Variants in PCDHGB7 observed in about 807,000 individuals in gnomAD.
PCDHGB7 encodes the protein protocadherin gamma subfamily B, 7.
In PCDHGB7, 37 loss-of-function variants were observed where a neutral mutation model predicts 61.4. The ratio of observed to expected loss-of-function variants is 0.60; its 90% CI spans 0.46 to 0.79. The LOEUF (loss-of-function observed/expected upper bound fraction) is 0.79. Ranked by LOEUF, PCDHGB7 falls within the 30% of genes least tolerant of loss-of-function variation. The pLI is 0.00. For missense variants in PCDHGB7, 1,166 were observed against 1,202.5 expected (o/e 0.97, Z 0.45); for synonymous variants, 464 against 503.5 (o/e 0.92, Z 1.05).
rs767337670 is a variant in PCDHGB7 at position 141,433,083 on chromosome 5, A to G, written c.2415+12809A>G. 8.1e-6 allele frequency: 13 copies of G among 1,614,174 alleles called. 1 individual carries two copies. Among genetic ancestry groups the G allele is most frequent in the Non-Finnish European group, 9.3e-6 (11 of 1,180,024 alleles). ...CACCTGATCTTCCCCCAGCCCAACT[A>G]TGCAGACATGCTCGTCAGCCAGGAG... On this transcript the variant is annotated intron_variant, in intron 1 of 3. Coordinates refer to ENST00000398594, the MANE Select transcript of PCDHGB7 (RefSeq NM_018927.4).
chr5:141,450,669 T>C (rs2098689726), intron 1 of PCDHGB7, among the ~76,000 whole-genome samples: 1 of 151,904 alleles, frequency 6.6e-6, no homozygotes, highest in Admixed American at 6.6e-5. Context: ...GTACTTTTAG[T>C]AGAAACGGGG....
At position 141,485,149 on chromosome 5, in the gene PCDHGB7, A is replaced by G; in HGVS notation, c.2416-9658A>G. 6.3e-7 allele frequency: 1 copy of G among 1,578,106 alleles called. No individual in the cohort carries two copies. Among genetic ancestry groups the G allele is most frequent in the South Asian group, 1.1e-5 (1 of 89,070 alleles). ...CGGCTTCATCCGCGTCTCAGGAGCA[A>G]GTAGAGAATTAGCGGGCGGCAGCAA... On this transcript the variant is annotated intron_variant, in intron 1 of 3. Transcript: ENST00000398594. This position sits in a 1 kb window ranked among gnomAD's most constrained non-coding sequence, Gnocchi z 5.7.
At chr5:141,420,453 C>A (rs1026053173) in intron 1 of PCDHGB7, 179 bp downstream of exon 1, 76 of 977,580 alleles carry the variant, frequency 7.8e-5, no homozygotes, top group Non-Finnish European at 8.8e-5. Context: ...AGTCTTCCTA[C>A]TATTCAAAGA....
In PCDHGB7 at chr5:141,431,211, G is replaced by A. The variant is rs1054638121; in HGVS notation, c.2415+10937G>A. The A allele has an allele frequency of 6.2e-7, 1 of 1,614,004 alleles. No individual in the cohort carries two copies. The highest frequency in any genetic ancestry group is 1.7e-5 in the Admixed American group (1 of 60,006). ...AGTGAAAATGCAGCCACTGAGATGC[G>A]GTTCCCTCTACCCCACGCCTGGGAT... On this transcript the variant is annotated intron_variant, in intron 1 of 3. Coordinates refer to ENST00000398594, the MANE Select transcript of PCDHGB7 (RefSeq NM_018927.4). This position sits in a 1 kb window ranked among gnomAD's most constrained non-coding sequence, Gnocchi z 4.8.
In PCDHGB7 at chr5:141,477,524, A is replaced by G. The variant is rs1302186932; in HGVS notation, c.2416-17283A>G. The stretch of plus-strand genomic sequence containing the variant: ...CTACGACGTTTACATTGAAGAAAAC[A>G]ACCTCCCCGGGGCTCCAATACTAAA... On this transcript the variant is annotated intron_variant, in intron 1 of 3. Coordinates refer to ENST00000398594, the MANE Select transcript of PCDHGB7 (RefSeq NM_018927.4). The surrounding 1 kb of genome is among the most constrained non-coding windows in gnomAD (Gnocchi z 4.9). The G allele has an allele frequency of 1.2e-6, 2 of 1,614,122 alleles. No individual in the cohort carries two copies. Among genetic ancestry groups the G allele is most frequent in the Non-Finnish European group, 1.7e-6 (2 of 1,180,022 alleles).
Position 141,485,955 on chromosome 5 carries a change from T to C in PCDHGB7, c.2416-8852T>C. 1 of 1,614,152 alleles carries C rather than the reference T, an allele frequency of 6.2e-7. No homozygotes were observed. Among genetic ancestry groups the C allele is most frequent in the Non-Finnish European group, 8.5e-7 (1 of 1,180,018 alleles). On this transcript the variant is annotated intron_variant, in intron 1 of 3. Transcript: ENST00000398594. This position sits in a 1 kb window ranked among gnomAD's most constrained non-coding sequence, Gnocchi z 5.7. ...GAGAGCGCACCAGCGGGCATGGTGC[T>C]CATCCAGCTCAATGCCTCAGACCCG...
intron 1 of PCDHGB7, among the ~76,000 whole-genome samples, chr5:141,471,692 C>A (rs1293253544): frequency 6.6e-6 from 1 of 152,118 alleles, no homozygotes; most frequent in African/African-American, 2.4e-5. Context: ...TTCTGAAATT[C>A]TGGCTGGAAT....
chr5:141,426,173 G>A (rs2096919271), intron 1 of PCDHGB7: 1 of 155,348 alleles, frequency 6.4e-6, no homozygotes, highest in African/African-American at 2.4e-5. Flanking sequence ...TACGGATTGG[G>A]GTGCCCTCAA....
intron 1 of PCDHGB7, chr5:141,430,896 G>A: frequency 6.2e-7 from 1 of 1,606,012 alleles, no homozygotes; most frequent in Admixed American, 1.7e-5. Context: ...TCTAGGGTGG[G>A]CGACATCTCC....
chr5:141,422,699 C>G (rs765368737), intron 1 of PCDHGB7: 2 of 1,603,420 alleles, frequency 1.2e-6, no homozygotes, highest in South Asian at 1.1e-5. Context: ...GTCACTTACT[C>G]TCTGACGGAT....
At chr5:141,473,735 A>G (rs529416084) in intron 1 of PCDHGB7, among the ~76,000 whole-genome samples, 75 of 152,352 alleles carry the variant, frequency 4.9e-4, no homozygotes, top group African/African-American at 1.6e-3. Context: ...GAGAGGGAGA[A>G]GACATGAGAA....
intron 1 of PCDHGB7, among the ~76,000 whole-genome samples, chr5:141,459,221 G>A (rs1028895845): frequency 9.2e-5 from 14 of 152,154 alleles, no homozygotes; most frequent in African/African-American, 3.1e-4. Flanking sequence ...TCCAGCTCCA[G>A]GCAACAACTG....
At chr5:141,480,295 G>A (rs1190133739) in intron 1 of PCDHGB7, among the ~76,000 whole-genome samples, 2 of 133,330 alleles carry the variant, frequency 1.5e-5, no homozygotes, top group Admixed American at 7.4e-5. Context: ...TGCACCTGTG[G>A]TACCAGCTAC....
Position 141,486,255 on chromosome 5 carries a change from A to G in PCDHGB7, c.2416-8552A>G. 1 of 1,614,028 alleles carries G rather than the reference A, an allele frequency of 6.2e-7. No homozygotes were observed. Reference sequence around the variant, plus strand: ...ACCTCAGAGCTTGGAACCCTCCCCGAGAGTGCAGAACCTGGCACTGTGGTG... The same window carrying G: ...ACCTCAGAGCTTGGAACCCTCCCCGGGAGTGCAGAACCTGGCACTGTGGTG... On this transcript the variant is annotated intron_variant, in intron 1 of 3. Coordinates refer to ENST00000398594, the MANE Select transcript of PCDHGB7 (RefSeq NM_018927.4). This position sits in a 1 kb window ranked among gnomAD's most constrained non-coding sequence, Gnocchi z 5.0.
chr5:141,452,791 C>T (rs1202677389), intron 1 of PCDHGB7, among the ~76,000 whole-genome samples: 2 of 152,156 alleles, frequency 1.3e-5, no homozygotes, highest in Non-Finnish European at 2.9e-5. Context: ...AACATACCAT[C>T]ATTTTTGCTG....
Position 141,432,485 on chromosome 5 carries a change from G to C in PCDHGB7, c.2415+12211G>C. 6.2e-7 allele frequency: 1 copy of C among 1,614,186 alleles called. No individual in the cohort carries two copies. The highest frequency in any genetic ancestry group is 8.5e-7 in the Non-Finnish European group (1 of 1,180,040). On this transcript the variant is annotated intron_variant, in intron 1 of 3. Coordinates refer to ENST00000398594, the MANE Select transcript of PCDHGB7 (RefSeq NM_018927.4). The surrounding 1 kb of genome is among the most constrained non-coding windows in gnomAD (Gnocchi z 6.0). ...CCCCACGGACGGTTCCACTGGCGTG[G>C]AGCTGGCTCCCCGCTCCGCAGAGCC...
chr5:141,482,859 G>A (rs1371172226), intron 1 of PCDHGB7, among the ~76,000 whole-genome samples: 3 of 148,230 alleles, frequency 2.0e-5, no homozygotes, highest in Admixed American at 6.7e-5. Flanking sequence ...ATCACTTGAG[G>A]TCAGGAGTTT....
In PCDHGB7 at chr5:141,490,861, T is replaced by C. The variant is rs1465042036; in HGVS notation, c.2416-3946T>C. The C allele has an allele frequency of 1.2e-6, 2 of 1,613,816 alleles. No individual in the cohort carries two copies. Among genetic ancestry groups the C allele is most frequent in the Non-Finnish European group, 1.7e-6 (2 of 1,179,920 alleles). On this transcript the variant is annotated intron_variant, in intron 1 of 3. Coordinates refer to ENST00000398594, the MANE Select transcript of PCDHGB7 (RefSeq NM_018927.4). The surrounding 1 kb of genome is among the most constrained non-coding windows in gnomAD (Gnocchi z 5.4). Reference sequence around the variant, plus strand: ...TGTGGTGGGGGTTCGAGACTCCGGCTCTCCCCCATTGCATGCCAACACATC... The same window carrying C: ...TGTGGTGGGGGTTCGAGACTCCGGCCCTCCCCCATTGCATGCCAACACATC...
In PCDHGB7 at chr5:141,431,059, C is replaced by G. The variant is rs367774626; in HGVS notation, c.2415+10785C>G. ...GGGAGGAGCTCTGTATGGGGGCCAT[C>G]AAGTGTCAATTAAATCTAGACATTC... On this transcript the variant is annotated intron_variant, in intron 1 of 3. Coordinates refer to ENST00000398594, the MANE Select transcript of PCDHGB7 (RefSeq NM_018927.4). This position sits in a 1 kb window ranked among gnomAD's most constrained non-coding sequence, Gnocchi z 4.8. 1 of 1,614,136 alleles carries G rather than the reference C, an allele frequency of 6.2e-7. No individual in the cohort carries two copies.
Sources: gnomAD v4.1 joint callset for allele counts (sites outside exome capture counted in the v4.1 genomes callset) on GRCh38, gnomAD v4.1.1 for gene constraint, Gnocchi (gnomAD v3.1) non-coding constraint, MANE v1.5 for transcripts, NCBI Gene and HGNC (gene_info 2026-07-23, HGNC 2026-07-21) for gene names.